Variants in LIG3 observed in about 807,000 individuals in gnomAD.
LIG3 encodes ligase II, DNA, ATP-dependent.
Under a neutral mutation model 110.9 loss-of-function variants are expected in LIG3, and 58 were observed. The ratio of observed to expected loss-of-function variants is 0.52; its 90% CI spans 0.42 to 0.65. The LOEUF (loss-of-function observed/expected upper bound fraction) is 0.65, where lower values mean the gene tolerates loss of function less well. Ranked by LOEUF, LIG3 falls within the 30% of genes least tolerant of loss-of-function variation. The pLI is 0.00. For synonymous variants in LIG3, 422 were observed against 472.8 expected (o/e 0.89, Z 1.39); for missense variants, 1,094 against 1,273.8 (o/e 0.86, Z 2.15).
At chr17:34,996,461 T>A in intron 10 of LIG3, 113 bp from the exon 11 acceptor site, 2 of 921,814 alleles carry the variant, frequency 2.2e-6, no homozygotes, top group Non-Finnish European at 3.5e-6. Flanking sequence ...AGAGCAGAAA[T>A]AGTACTTTTT....
At position 34,992,041 on chromosome 17, in the gene LIG3, T is replaced by C; in HGVS notation, c.1286+6T>C. 3 of 1,612,778 alleles carry C rather than the reference T, an allele frequency of 1.9e-6. No individual in the cohort carries two copies. Among genetic ancestry groups the C allele is most frequent in the Non-Finnish European group, 1.7e-6 (2 of 1,178,742 alleles). On this transcript the variant is annotated splice_donor_region_variant and intron_variant, in intron 7 of 19. Coordinates refer to ENST00000378526, the MANE Select transcript of LIG3 (RefSeq NM_013975.4). ...AACTCAGGTGCAAAACATGTGTAAG[T>C]AGCAGCTCCGCTGACAGCCTGAGCT...
chr17:34,999,551 G>T, intron 15 of LIG3, 102 bp downstream of exon 15: 1 of 1,437,822 alleles, frequency 7.0e-7, no homozygotes. Context: ...TCCCCAGAAA[G>T]AAGGGTTGCA....
At chr17:34,985,950 C>A in intron 2 of LIG3, 38 bp from the exon 3 acceptor site, 1 of 1,598,078 alleles carries the variant, frequency 6.3e-7, no homozygotes, top group South Asian at 1.1e-5. Flanking sequence ...AGAGATCGTT[C>A]ACTGAAGGAT....
At chr17:34,998,394 A>G in intron 13 of LIG3, 98 bp downstream of exon 13, 13 of 1,210,984 alleles carry the variant, frequency 1.1e-5, no homozygotes, top group Non-Finnish European at 1.5e-5. Context: ...GGCAGCCTGC[A>G]GTGGTTGGGG....
rs777089223 is a variant in LIG3 at position 35,001,960 on chromosome 17, G to T, written c.2530G>T (p.Asp844Tyr). 1.9e-6 allele frequency: 3 copies of T among 1,612,772 alleles called. No individual in the cohort carries two copies. The highest frequency in any genetic ancestry group is 3.3e-5 in the Admixed American group (2 of 59,746). Residue 844 changes from aspartate (D) to tyrosine (Y), a missense_variant, in exon 18 of 20, where the codon GAT (aspartate) becomes TAT (tyrosine). Asp to Tyr is a radical substitution (Grantham distance 160). Transcript: ENST00000378526. Reference sequence around the variant, plus strand: ...GGCAGACTTCACTGTAGTGGCTGGAGATGAGGGGAGCTCCACTACAGGGGG... The same window carrying T: ...GGCAGACTTCACTGTAGTGGCTGGATATGAGGGGAGCTCCACTACAGGGGG... ...EKADFTVVAG[D>Y]EGSSTTGGSS...
At position 35,004,973 on chromosome 17, in the gene LIG3, G is replaced by T. The variant is rs2090883687; in HGVS notation, c.*467G>T. 3.6e-6 allele frequency: 1 copy of T among 276,258 alleles called. No individual in the cohort carries two copies. Among genetic ancestry groups the T allele is most frequent in the Admixed American group, 4.8e-5 (1 of 20,728 alleles). The allele number at this position is 276,258 out of a possible 1,614,324, so 17.1% of individuals were successfully genotyped here. On this transcript the variant is annotated 3_prime_UTR_variant, in exon 20 of 20. Coordinates refer to ENST00000378526, the MANE Select transcript of LIG3 (RefSeq NM_013975.4). ...TATTTAAAGGACTGCCCTCGGAAATGCTTCTGTTTAGCGGAACTTGTATTC... is the reference window on the plus strand; with the variant it reads ...TATTTAAAGGACTGCCCTCGGAAATTCTTCTGTTTAGCGGAACTTGTATTC...
chr17:34,999,537 T>G, intron 15 of LIG3, 88 bp downstream of exon 15: 3 of 1,485,572 alleles, frequency 2.0e-6, no homozygotes, highest in Non-Finnish European at 2.7e-6. Flanking sequence ...CAGGTATTTC[T>G]GTCTCCCCAG....
chr17:34,998,482 C>G, intron 13 of LIG3, 122 bp from the exon 14 acceptor site: 1 of 1,295,056 alleles, frequency 7.7e-7, no homozygotes, highest in Admixed American at 2.0e-5. Flanking sequence ...TGCCTGGAGC[C>G]TGAGGGCTCT....
At chr17:34,997,872 A>G (rs752556359) in intron 12 of LIG3, 47 bp downstream of exon 12, 6 of 1,431,814 alleles carry the variant, frequency 4.2e-6, no homozygotes, top group Non-Finnish European at 5.9e-6. Flanking sequence ...GTTTGAAAGC[A>G]GGGCAGAGAA....
chr17:35,002,969 C>T (rs771974457), intron 19 of LIG3, 180 bp downstream of exon 19: 3 of 1,614,088 alleles, frequency 1.9e-6, no homozygotes, highest in Admixed American at 1.7e-5. Flanking sequence ...CTGCTGCTCA[C>T]CCTATGTCCT....
At chr17:34,994,501 T>C (rs1057027740) in intron 9 of LIG3, 70 bp downstream of exon 9, 2 of 1,456,502 alleles carry the variant, frequency 1.4e-6, no homozygotes, top group African/African-American at 1.4e-5. Flanking sequence ...AGGGCCAGAG[T>C]CCCATAGCCA....
intron 1 of LIG3, 39 bp from the exon 2 acceptor site, chr17:34,982,963 C>CTTTTTT: frequency 8.0e-7 from 1 of 1,242,928 alleles, no homozygotes; most frequent in Non-Finnish European, 1.1e-6. Context: ...TTGTTTATAT[C>CTTTTTT]TTTTTTTTTT....
Position 34,989,622 on chromosome 17 carries a change from C to T in LIG3, c.848C>T (p.Thr283Ile), listed in dbSNP as rs767781452. ...GATAATCCTAGCTACAACACGAAGA[C>T]CCAGATCATCCAGGACTTCCTTCGG... ...VADNPSYNTK[T>I]QIIQDFLRKG... The change falls in exon 4 of 20, where the codon ACC becomes ATC. Residue 283 changes from threonine (T) to isoleucine (I), a missense_variant. Thr to Ile is a moderately conservative substitution (Grantham distance 89). Transcript: ENST00000378526. The T allele has an allele frequency of 1.9e-6, 3 of 1,614,122 alleles. No homozygotes were observed. Among genetic ancestry groups the T allele is most frequent in the East Asian group, 4.5e-5 (2 of 44,866 alleles).
chr17:34,997,354 G>A (rs2090788972), intron 11 of LIG3: 1 of 194,438 alleles, frequency 5.1e-6, no homozygotes, highest in African/African-American at 2.3e-5. Context: ...GCCTGTCTCA[G>A]CCTGCCTACC....
chr17:34,982,044 A>T (rs542935297), intron 1 of LIG3, among the ~76,000 whole-genome samples: 1 of 152,168 alleles, frequency 6.6e-6, no homozygotes, highest in South Asian at 2.1e-4. Context: ...TGTGTGCCCA[A>T]CTGTTTTAAG....
At chr17:34,999,684 C>A in intron 15 of LIG3, 98 bp from the exon 16 acceptor site, 1 of 1,209,368 alleles carries the variant, frequency 8.3e-7, no homozygotes, top group Non-Finnish European at 1.2e-6. Context: ...CAAACATCAG[C>A]TGTTTAAGTG....
Position 34,991,280 on chromosome 17 carries a change from A to G in LIG3, c.1041+166A>G, listed in dbSNP as rs3135982. ...TAGGGGGAGCTGAATGTGAGGCTAT[A>G]GCTCTTAATTTCTTAAGTTTCTGAG... On this transcript the variant is annotated intron_variant, in intron 5 of 19. Transcript: ENST00000378526. 4,491 of 659,210 alleles carry G rather than the reference A, an allele frequency of 6.8e-3. 143 individuals are homozygous for G. The African/African-American group carries it at 0.074, about 11-fold the overall frequency. The allele number at this position is 659,210 out of a possible 1,614,324, so 40.8% of individuals were successfully genotyped here.
chr17:34,986,508 G>C (rs1023967942), intron 3 of LIG3, among the ~76,000 whole-genome samples: 6 of 152,136 alleles, frequency 3.9e-5, no homozygotes, highest in Non-Finnish European at 8.8e-5. Context: ...TTTTAGTAGA[G>C]ATGGGGTTTC....
At chr17:34,988,627 AC>A (rs1325998791) in intron 3 of LIG3, among the ~76,000 whole-genome samples, 1 of 152,160 alleles carries the variant, frequency 6.6e-6, no homozygotes, top group East Asian at 1.9e-4. Flanking sequence ...CTGCCCCTTG[AC>A]CACCTTTTGT....
Sources: gnomAD v4.1 joint callset for allele counts (sites outside exome capture counted in the v4.1 genomes callset) on GRCh38, gnomAD v4.1.1 for gene constraint, MANE v1.5 for transcripts, NCBI Gene and HGNC (gene_info 2026-07-23, HGNC 2026-07-21) for gene names.